PAGE2B: variants seen among roughly 807,000 people sequenced by gnomAD.
The protein encoded by PAGE2B is putative G antigen family E member 3.
PAGE2B carries 5 observed loss-of-function variants against 7.6 expected under a neutral mutation model. The observed-to-expected ratio is 0.66, with a 90% CI of 0.34 to 1.38. The LOEUF (loss-of-function observed/expected upper bound fraction) is 1.38. PAGE2B is among the 40% of genes most tolerant of loss of function. The probability of loss-of-function intolerance (pLI) is 0.04; values close to 1 mark genes in which losing one functional copy is unlikely to be tolerated. For synonymous variants in PAGE2B, 29 were observed against 26.7 expected, an observed-to-expected ratio of 1.09 and a Z score of -0.27; for missense variants, 70 against 78.4, an observed-to-expected ratio of 0.89 and a Z score of 0.41.
At chrX:55,036,811 T>C in the PAGE2B span, among the ~76,000 whole-genome samples, 1 of 109,988 alleles carries the variant, frequency 9.1e-6, no homozygotes, top group African/African-American at 3.4e-5. Context: ...AAGGATTCCC[T>C]ATTTAATAAA....
chrX:55,071,311 T>C (rs1936447048), upstream of PAGE2B, among the ~76,000 whole-genome samples: 1 of 111,233 alleles, frequency 9.0e-6, no homozygotes, highest in African/African-American at 3.3e-5. Flanking sequence ...CTTATGAGGC[T>C]TCGTTTGGCT....
the PAGE2B span, among the ~76,000 whole-genome samples, chrX:55,069,251 G>T: frequency 8.9e-6 from 1 of 111,775 alleles, no homozygotes; most frequent in Non-Finnish European, 1.9e-5. Flanking sequence ...AGCATGCAGG[G>T]CTGTTGAATT....
the PAGE2B span, among the ~76,000 whole-genome samples, chrX:55,049,432 G>T: frequency 9.0e-6 from 1 of 111,316 alleles, no homozygotes; most frequent in Non-Finnish European, 1.9e-5. Flanking sequence ...AATCCATCTG[G>T]TCCTGGACTT....
At chrX:55,068,762 T>A in the PAGE2B span, among the ~76,000 whole-genome samples, 1 of 111,757 alleles carries the variant, frequency 8.9e-6, no homozygotes, top group Admixed American at 9.5e-5. Context: ...ACATCCCTTG[T>A]AAGTTGGATT....
At chrX:55,067,409 T>A in the PAGE2B span, among the ~76,000 whole-genome samples, 1 of 111,943 alleles carries the variant, frequency 8.9e-6, no homozygotes, top group African/African-American at 3.3e-5. Context: ...CAGCATAGTA[T>A]TCCATGGTGT....
chrX:55,033,064 C>T, the PAGE2B span, among the ~76,000 whole-genome samples: 7 of 111,330 alleles, frequency 6.3e-5, no homozygotes, highest in African/African-American at 2.3e-4. Flanking sequence ...ACTACTGGCA[C>T]CTTGTCTTAT....
chrX:55,041,121 G>T, the PAGE2B span, among the ~76,000 whole-genome samples: 2 of 87,435 alleles, frequency 2.3e-5, no homozygotes, highest in African/African-American at 9.1e-5. Flanking sequence ...TTTCTCTGTC[G>T]CCCAGGCTGG....
the PAGE2B span, among the ~76,000 whole-genome samples, chrX:55,058,753 A>G: frequency 0.069 from 7,633 of 111,120 alleles, 614 homozygotes; most frequent in African/African-American, 0.23. Flanking sequence ...AGATGAGAAG[A>G]GCCCAAACCC....
upstream of PAGE2B, among the ~76,000 whole-genome samples, chrX:55,073,758 C>T (rs1213063695): frequency 8.9e-6 from 1 of 111,778 alleles, no homozygotes; most frequent in African/African-American, 3.3e-5. Flanking sequence ...CCCTAGTTAG[C>T]TGTATTCCTA....
the PAGE2B span, among the ~76,000 whole-genome samples, chrX:55,069,841 T>G: frequency 2.7e-5 from 3 of 112,084 alleles, no homozygotes; most frequent in African/African-American, 9.7e-5. Context: ...GAGGTGTTTA[T>G]AGTATTCACT....
upstream of PAGE2B, among the ~76,000 whole-genome samples, chrX:55,072,137 A>G (rs917072298): frequency 9.0e-6 from 1 of 111,656 alleles, no homozygotes; most frequent in Non-Finnish European, 1.9e-5. Context: ...AAGAGGCATC[A>G]TTTGGAGGAG....
the PAGE2B span, among the ~76,000 whole-genome samples, chrX:55,042,087 T>C: frequency 9.0e-6 from 1 of 110,776 alleles, no homozygotes; most frequent in Non-Finnish European, 1.9e-5. Context: ...ATAAACGGCA[T>C]CAAAATCAGT....
chrX:55,076,466 A>G, intron 2 of PAGE2B, 103 bp from the exon 3 acceptor site: 1 of 762,364 alleles, frequency 1.3e-6, no homozygotes, highest in Non-Finnish European at 1.9e-6. Flanking sequence ...ATATGTGTTT[A>G]TATATGTTGG....
chrX:55,047,263 A>AT, the PAGE2B span, among the ~76,000 whole-genome samples: 1 of 111,570 alleles, frequency 9.0e-6, no homozygotes, highest in Non-Finnish European at 1.9e-5. Context: ...TGAACTCATC[A>AT]TTTTTTATGG....
At chrX:55,049,885 T>C in the PAGE2B span, among the ~76,000 whole-genome samples, 2 of 111,998 alleles carry the variant, frequency 1.8e-5, no homozygotes, top group Non-Finnish European at 3.8e-5. Context: ...TCCTAGTTCT[T>C]TTAATTGTGA....
At chrX:55,049,785 G>A in the PAGE2B span, among the ~76,000 whole-genome samples, 1 of 111,103 alleles carries the variant, frequency 9.0e-6, no homozygotes, top group Non-Finnish European at 1.9e-5. Flanking sequence ...TTTTATGAAG[G>A]GTTTTTTGTG....
chrX:55,051,648 T>C, the PAGE2B span, among the ~76,000 whole-genome samples: 1 of 112,426 alleles, frequency 8.9e-6, no homozygotes, highest in Admixed American at 9.4e-5. Context: ...ATGCTGTGGT[T>C]TTCAGCTCCA....
intron 2 of PAGE2B, 103 bp downstream of exon 2, chrX:55,076,228 A>G: frequency 1.1e-6 from 1 of 948,065 alleles, no homozygotes; most frequent in South Asian, 2.6e-5. Flanking sequence ...ATGCTGATAA[A>G]AAATGATGAT....
At chrX:55,038,569 A>T in the PAGE2B span, among the ~76,000 whole-genome samples, 2 of 111,881 alleles carry the variant, frequency 1.8e-5, no homozygotes, top group African/African-American at 6.5e-5. Context: ...AGGGACTTGT[A>T]TGAATGGCAC....
Sources: allele counts gnomAD v4.1 joint callset (sites outside exome capture counted in the v4.1 genomes callset), GRCh38; gene constraint gnomAD v4.1.1; transcripts MANE v1.5; gene names NCBI Gene and HGNC (gene_info 2026-07-23, HGNC 2026-07-21).